NUP214: variants seen among roughly 807,000 people sequenced by gnomAD.
NUP214 encodes the protein nucleoporin 214, also known as nuclear pore complex protein Nup214.
A neutral mutation model predicts 196.2 loss-of-function variants in NUP214; 79 were observed. That is an observed-to-expected ratio of 0.40 (90% confidence interval 0.34 to 0.49). NUP214 has a LOEUF of 0.49. NUP214 is among the 20% of genes least tolerant of loss of function. The pLI, the probability that NUP214 is intolerant of heterozygous loss-of-function variation, is 0.58. For synonymous variants in NUP214, 1,020 were observed against 990.5 expected (o/e 1.03, Z -0.56); for missense variants, 2,468 against 2,539.0 (o/e 0.97, Z 0.60).
chr9:131,228,011 TA>T (rs1588181689), intron 32 of NUP214, 148 bp from the exon 33 acceptor site: 5 of 701,620 alleles, frequency 7.1e-6, no homozygotes, highest in Non-Finnish European at 1.1e-5. Flanking sequence ...TGTTGCCCTT[TA>T]CTCTAGTTCT....
chr9:131,204,183 A>G (rs541145528), intron 30 of NUP214, among the ~76,000 whole-genome samples: 1 of 152,386 alleles, frequency 6.6e-6, no homozygotes, highest in East Asian at 1.9e-4. Flanking sequence ...CTTTGCACAG[A>G]CTACCTAAAC....
intron 33 of NUP214, 186 bp from the exon 34 acceptor site, chr9:131,230,444 G>T (rs890160692): frequency 3.2e-6 from 2 of 616,830 alleles, no homozygotes; most frequent in African/African-American, 3.7e-5. Context: ...TCTTCCTAGA[G>T]CAGAGATAAA....
chr9:131,132,119 C>CTTTTTTTTTTTTTTTTTTTT (rs71389396), intron 5 of NUP214, among the ~76,000 whole-genome samples: 1 of 114,660 alleles, frequency 8.7e-6, no homozygotes, highest in African/African-American at 3.6e-5. Flanking sequence ...TCTTTTCTTT[C>CTTTTTTTTTTTTTTTTTTTT]TTTTTTTTTT....
chr9:131,159,502 C>G lies in NUP214; in HGVS notation c.2540+16C>G. Reference sequence around the variant, plus strand: ...AAAAACAAAGGTGAATGAGATCTCTCATCTGCAATGTGTTGGAATAGATAT... The same window carrying G: ...AAAAACAAAGGTGAATGAGATCTCTGATCTGCAATGTGTTGGAATAGATAT... On this transcript the variant is annotated intron_variant, in intron 18 of 35. Coordinates refer to ENST00000359428, the MANE Select transcript of NUP214 (RefSeq NM_005085.4). The G allele has an allele frequency of 6.4e-7, 1 of 1,555,146 alleles. No homozygotes were observed. The highest frequency in any genetic ancestry group is 8.9e-7 in the Non-Finnish European group (1 of 1,126,902).
chr9:131,131,376 C>T (rs1831540497), intron 5 of NUP214, among the ~76,000 whole-genome samples: 1 of 152,224 alleles, frequency 6.6e-6, no homozygotes, highest in Non-Finnish European at 1.5e-5. Flanking sequence ...TCACAAATAT[C>T]CTTCAATATC....
chr9:131,223,732 T>TATTTATTTA (rs1834640785), intron 32 of NUP214, among the ~76,000 whole-genome samples: 1 of 30,060 alleles, frequency 3.3e-5, no homozygotes, highest in Non-Finnish European at 8.2e-5. Flanking sequence ...TATTTATTTT[T>TATTTATTTA]TTTTTTTTTT....
chr9:131,193,479 A>AT (rs1033605039), intron 27 of NUP214, among the ~76,000 whole-genome samples: 2 of 151,622 alleles, frequency 1.3e-5, no homozygotes, highest in African/African-American at 4.8e-5. Context: ...TAATACATAT[A>AT]TTTTTTCTTT....
chr9:131,227,176 C>G (rs1276369779), intron 32 of NUP214, among the ~76,000 whole-genome samples: 1 of 152,214 alleles, frequency 6.6e-6, no homozygotes, highest in Non-Finnish European at 1.5e-5. Context: ...GAACCCGCAT[C>G]AGGAATAGCT....
intron 23 of NUP214, 41 bp downstream of exon 23, chr9:131,175,662 G>C (rs766583531): frequency 1.3e-6 from 2 of 1,595,160 alleles, no homozygotes; most frequent in Admixed American, 3.5e-5. Context: ...GGCTGATTAT[G>C]AGCTGTCTGA....
At chr9:131,178,171 C>G in intron 23 of NUP214, 140 bp from the exon 24 acceptor site, 1 of 636,872 alleles carries the variant, frequency 1.6e-6, no homozygotes, top group Non-Finnish European at 2.8e-6. Context: ...GCTGCAAGAA[C>G]TACCTAGAGT....
intron 28 of NUP214, 136 bp from the exon 29 acceptor site, chr9:131,197,080 A>G: frequency 8.4e-7 from 1 of 1,188,126 alleles, no homozygotes; most frequent in Non-Finnish European, 1.2e-6. Flanking sequence ...CCTTAGAGAA[A>G]GCTGCTGTGA....
chr9:131,218,775 G>A (rs1834475971), intron 31 of NUP214, among the ~76,000 whole-genome samples: 1 of 152,106 alleles, frequency 6.6e-6, no homozygotes, highest in Non-Finnish European at 1.5e-5. Flanking sequence ...GGATAAAGAT[G>A]AAATAAACTT....
chr9:131,186,049 A>C (rs1376857246), intron 24 of NUP214, among the ~76,000 whole-genome samples: 1 of 152,032 alleles, frequency 6.6e-6, no homozygotes, highest in Non-Finnish European at 1.5e-5. Context: ...GTGAGCTCCA[A>C]CCTCTTCTCT....
chr9:131,206,551 CCTCCTATCAGTT>C lies in NUP214; in HGVS notation c.5592+4839_5592+4850del, dbSNP rs573161786. Among the ~76,000 whole-genome samples the C allele has an allele frequency of 1.9e-3, 294 of 152,104 alleles. 3 individuals are homozygous for C. Among genetic ancestry groups the C allele is most frequent in the African/African-American group, 6.8e-3 (281 of 41,490 alleles). On this transcript the variant is annotated intron_variant, in intron 30 of 35. Coordinates refer to ENST00000359428, the MANE Select transcript of NUP214 (RefSeq NM_005085.4). ...CCTTGATCTCCTGGGCTCAAGCAGT[CCTCCTATCAGTT>C]CTCCAGAATAGCTAGGTCCACAGGT...
At position 131,233,643 on chromosome 9, in the gene NUP214, T is replaced by G. The variant is rs778254390; in HGVS notation, c.*156T>G. On this transcript the variant is annotated 3_prime_UTR_variant, in exon 36 of 36. Transcript: ENST00000359428. ...AACCAAAACTCACAAGGCGCATGAT[T>G]ACTTGTTTTATATTTCATGTTGGGT... 5 of 771,620 alleles carry G rather than the reference T, an allele frequency of 6.5e-6. No homozygotes were observed. The highest frequency in any genetic ancestry group is 1.1e-5 in the Non-Finnish European group (5 of 451,608). 47.8% of individuals were successfully genotyped at this position (771,620 alleles called of 1,614,324 possible).
Position 131,146,435 on chromosome 9 carries a change from G to C in NUP214, c.1945+131G>C. The stretch of plus-strand genomic sequence containing the variant: ...CTTGCTTCCTGTATCATACATTAAT[G>C]ATTAATGTGCTGTGATTTTCATACT... On this transcript the variant is annotated intron_variant, in intron 13 of 35. Transcript: ENST00000359428. This position sits in a 1 kb window ranked among gnomAD's most constrained non-coding sequence, Gnocchi z 4.6. The C allele has an allele frequency of 1.5e-5, 13 of 869,838 alleles. No homozygotes were observed. Among genetic ancestry groups the C allele is most frequent in the Non-Finnish European group, 2.3e-5 (13 of 556,496 alleles). The allele number at this position is 869,838 out of a possible 1,614,324, so 53.9% of individuals were successfully genotyped here.
intron 27 of NUP214, chr9:131,194,156 A>G (rs1478143715): frequency 6.7e-6 from 1 of 148,410 alleles, no homozygotes; most frequent in African/African-American, 2.5e-5. Context: ...GAAATCTGCA[A>G]TTTGAACTTT....
chr9:131,134,156 C>T (rs145961024), intron 7 of NUP214, among the ~76,000 whole-genome samples: 8 of 152,214 alleles, frequency 5.3e-5, no homozygotes, highest in African/African-American at 1.9e-4. Context: ...TTGTTGCCCA[C>T]GCTGGTCTCG....
chr9:131,174,562 C>A (rs763233161), intron 22 of NUP214, among the ~76,000 whole-genome samples: 3 of 148,292 alleles, frequency 2.0e-5, no homozygotes, highest in Admixed American at 1.4e-4. Context: ...GATTCTCCTG[C>A]CTCACCCTCC....
Sources: gnomAD v4.1 joint callset for allele counts (sites outside exome capture counted in the v4.1 genomes callset) on GRCh38, gnomAD v4.1.1 for gene constraint, Gnocchi (gnomAD v3.1) non-coding constraint, MANE v1.5 for transcripts, NCBI Gene and HGNC (gene_info 2026-07-23, HGNC 2026-07-21) for gene names.